Variants in RALGAPA1 observed in about 807,000 individuals in gnomAD.
RALGAPA1 encodes Ral GTPase activating protein catalytic subunit alpha 1, also known as ral GTPase-activating protein subunit alpha-1.
Under a neutral mutation model 269.6 loss-of-function variants are expected in RALGAPA1, and 52 were observed. The ratio of observed to expected loss-of-function variants is 0.19; its 90% CI spans 0.15 to 0.24. The LOEUF is 0.24. RALGAPA1 is among the 10% of genes least tolerant of loss of function. The probability of loss-of-function intolerance (pLI) is 1.00; values close to 1 mark genes in which losing one functional copy is unlikely to be tolerated. For synonymous variants in RALGAPA1, 817 were observed against 1,008.3 expected (o/e 0.81, Z 3.60); for missense variants, 1,917 against 3,013.9 (o/e 0.64, Z 8.52).
At chr14:35,611,625 G>A (rs1380932901) in intron 35 of RALGAPA1, among the ~76,000 whole-genome samples, 1 of 151,978 alleles carries the variant, frequency 6.6e-6, no homozygotes, top group Non-Finnish European at 1.5e-5. Flanking sequence ...AGCTACTGGG[G>A]AGGATGAGGT....
At chr14:35,539,718 C>T in intron 41 of RALGAPA1, 28 bp from the exon 42 acceptor site, 2 of 1,610,778 alleles carry the variant, frequency 1.2e-6, no homozygotes, top group Non-Finnish European at 1.7e-6. Context: ...AGCATTACTA[C>T]AGTTATCCAG....
chr14:35,691,400 T>C lies in RALGAPA1; in HGVS notation c.2408-1397A>G, dbSNP rs540759331. ...AACAAAAAAAAATTGTTTTCAGAAG[T>C]CAGCAAAATATAATGAAGAAAGGAC... On this transcript the variant is annotated intron_variant, in intron 17 of 41. Coordinates refer to ENST00000680220, the MANE Select transcript of RALGAPA1 (RefSeq NM_001346249.2). Among the ~76,000 whole-genome samples the C allele has an allele frequency of 2.2e-3, 330 of 152,164 alleles. 1 individual carries two copies. Among genetic ancestry groups the C allele is most frequent in the Non-Finnish European group, 3.2e-3 (220 of 67,980 alleles).
rs77906302 is a variant in RALGAPA1, at chr14:35,578,302, G to C, written c.7210-5584C>G. Among the ~76,000 whole-genome samples, 71 of 152,238 alleles carry C rather than the reference G, an allele frequency of 4.7e-4. No homozygotes were observed. The East Asian group carries it at 0.013, about 29-fold the overall frequency. On this transcript the variant is annotated intron_variant, in intron 37 of 41. Transcript: ENST00000680220. ...ATCTATAATAGCTCTTGAACTAAAA[G>C]CTGAAGAACACACAGAAGTTAATTA... is the stretch of plus-strand genomic sequence containing the variant.
At chr14:35,773,827 C>A (rs1410526906) in intron 3 of RALGAPA1, among the ~76,000 whole-genome samples, 1 of 152,010 alleles carries the variant, frequency 6.6e-6, no homozygotes, top group East Asian at 1.9e-4. Flanking sequence ...TTTTTTCCCC[C>A]CTTAACTAAA....
chr14:35,691,037 C>T (rs1455508385), intron 17 of RALGAPA1, among the ~76,000 whole-genome samples: 1 of 151,498 alleles, frequency 6.6e-6, no homozygotes, highest in Non-Finnish European at 1.5e-5. Flanking sequence ...CCACTGCACT[C>T]CAGCCTGGGC....
intron 37 of RALGAPA1, among the ~76,000 whole-genome samples, chr14:35,582,578 G>A (rs2058024234): frequency 6.6e-6 from 1 of 152,116 alleles, no homozygotes; most frequent in Non-Finnish European, 1.5e-5. Context: ...AGCTCAGTGT[G>A]GACAAGTCTA....
chr14:35,645,128 T>C (rs1011291427), intron 31 of RALGAPA1, among the ~76,000 whole-genome samples: 1 of 152,144 alleles, frequency 6.6e-6, no homozygotes, highest in Non-Finnish European at 1.5e-5. Flanking sequence ...CTTTCTGGCT[T>C]GTTAGATGAC....
chr14:35,611,877 AT>A (rs1347985942), intron 35 of RALGAPA1, among the ~76,000 whole-genome samples: 2 of 152,238 alleles, frequency 1.3e-5, no homozygotes, highest in Non-Finnish European at 2.9e-5. Flanking sequence ...ATACTTCTTG[AT>A]TTCAAAACTT....
At chr14:35,586,784 C>A (rs1339010832) in intron 37 of RALGAPA1, among the ~76,000 whole-genome samples, 1 of 152,192 alleles carries the variant, frequency 6.6e-6, no homozygotes, top group Non-Finnish European at 1.5e-5. Flanking sequence ...GTATGTTGAA[C>A]CAGCCTTGCA....
chr14:35,634,953 C>G (rs903789045), intron 32 of RALGAPA1, among the ~76,000 whole-genome samples, 196 bp from the exon 33 acceptor site: 3 of 152,102 alleles, frequency 2.0e-5, no homozygotes, highest in Non-Finnish European at 4.4e-5. Context: ...AGGTGGATCA[C>G]TTGAGATCAG....
chr14:35,642,277 C>T (rs1176279980), intron 31 of RALGAPA1, among the ~76,000 whole-genome samples: 3 of 152,010 alleles, frequency 2.0e-5, no homozygotes, highest in African/African-American at 7.2e-5. Flanking sequence ...TTCTGCACGG[C>T]AAAGTAAATG....
intron 41 of RALGAPA1, 48 bp from the exon 42 acceptor site, chr14:35,539,738 C>A: frequency 6.3e-7 from 1 of 1,598,600 alleles, no homozygotes; most frequent in Non-Finnish European, 8.5e-7. Flanking sequence ...GCCTCTCATC[C>A]CCTGAGAAAT....
rs148895555 is a variant in RALGAPA1 at position 35,627,735 on chromosome 14, G to T, written c.6212C>A (p.Thr2071Lys). 50 of 1,613,876 alleles carry T rather than the reference G, an allele frequency of 3.1e-5. No homozygotes were observed. In the Middle Eastern group the frequency reaches 4.9e-4, roughly 16 times the overall value. The change falls in exon 34 of 42, where the codon ACA becomes AAA. Residue 2071 changes from threonine to lysine, a missense_variant. Coordinates refer to ENST00000680220, the MANE Select transcript of RALGAPA1 (RefSeq NM_001346249.2). The part of the protein sequence containing the change: ...PNIQFFVLNN[T>K]TLVSCIQIRS... Reference sequence around the variant, plus strand: ...GATCTGGATACAGGACACTAAGGTTGTATTATTTAACACAAAGAACTGGAT... The same window carrying T: ...GATCTGGATACAGGACACTAAGGTTTTATTATTTAACACAAAGAACTGGAT...
chr14:35,589,691 GTATT>G (rs879825033), intron 37 of RALGAPA1, among the ~76,000 whole-genome samples: 19 of 151,634 alleles, frequency 1.3e-4, no homozygotes, highest in East Asian at 7.7e-4. Flanking sequence ...ATTTATGTAT[GTATT>G]TATTTATTTA....
At chr14:35,754,333 T>C (rs1339320829) in intron 7 of RALGAPA1, among the ~76,000 whole-genome samples, 2 of 152,142 alleles carry the variant, frequency 1.3e-5, no homozygotes, top group Non-Finnish European at 2.9e-5. Flanking sequence ...AACATACATC[T>C]GACTAAGGAC....
At chr14:35,745,291 G>A (rs565522733) in intron 10 of RALGAPA1, among the ~76,000 whole-genome samples, 1 of 152,178 alleles carries the variant, frequency 6.6e-6, no homozygotes, top group South Asian at 2.1e-4. Flanking sequence ...AAAGCAGGAG[G>A]TACCCACATG....
intron 1 of RALGAPA1, among the ~76,000 whole-genome samples, chr14:35,777,736 T>C (rs2075141101): frequency 6.6e-6 from 1 of 152,072 alleles, no homozygotes; most frequent in Admixed American, 6.6e-5. Context: ...CTAATTTTTA[T>C]ATTTTCAGTA....
chr14:35,617,714 A>T (rs375040253), intron 35 of RALGAPA1, among the ~76,000 whole-genome samples: 6 of 151,608 alleles, frequency 4.0e-5, no homozygotes, highest in South Asian at 2.1e-4. Context: ...TGAAACAAAG[A>T]TAAATAGAAA....
chr14:35,765,853 C>T (rs866492144), intron 4 of RALGAPA1: 10 of 711,360 alleles, frequency 1.4e-5, no homozygotes, highest in East Asian at 7.9e-5. Context: ...TATAGTAGTT[C>T]CGAAATTGTT....
Sources: allele counts gnomAD v4.1 joint callset (sites outside exome capture counted in the v4.1 genomes callset), GRCh38; gene constraint gnomAD v4.1.1; transcripts MANE v1.5; gene names NCBI Gene and HGNC (gene_info 2026-07-23, HGNC 2026-07-21).